ZNF726: variants seen among roughly 807,000 people sequenced by gnomAD.
The protein encoded by ZNF726 is zinc finger protein 92 pseudogene 3.
ZNF726 carries 15 observed loss-of-function variants against 11.6 expected under a neutral mutation model. The observed-to-expected ratio is 1.29, with a 90% CI of 0.86 to 1.99. ZNF726 has a LOEUF of 1.99. Among genes scored for constraint, ZNF726 ranks in the 30% most tolerant of loss-of-function variants. The pLI is 0.00. For missense variants in ZNF726, 890 were observed against 725.6 expected (o/e 1.23, Z -2.60); for synonymous variants, 295 against 243.6 (o/e 1.21, Z -1.96).
chr19:23,935,351 G>T (rs1968211438), downstream of ZNF726: 3 of 528,518 alleles, frequency 5.7e-6, no homozygotes, highest in East Asian at 5.3e-5. Flanking sequence ...CTAGACATAA[G>T]AAAATTCATG....
At position 23,933,298 on chromosome 19, in the gene ZNF726, G is replaced by T; in HGVS notation, c.1182G>T (p.Glu394Asp). The change falls in exon 4 of 4, where the codon GAG (glutamate) becomes GAT (aspartate). Residue 394 changes from glutamate (E) to aspartate (D), a missense_variant. Glu to Asp is a conservative substitution (Grantham distance 45). Transcript: ENST00000594466. ...LTKHKRIHTG[E>D]KPYKCEECGK... ...AACATAAGAGGATTCACACTGGAGA[G>T]AAACCCTACAAATGTGAAGAATGTG... 1 of 1,613,614 alleles carries T rather than the reference G, an allele frequency of 6.2e-7. No individual in the cohort carries two copies. Among genetic ancestry groups the T allele is most frequent in the Non-Finnish European group, 8.5e-7 (1 of 1,180,010 alleles).
downstream of ZNF726, among the ~76,000 whole-genome samples, chr19:23,934,715 GAT>G (rs1968198466): frequency 6.6e-6 from 1 of 152,180 alleles, no homozygotes; most frequent in Non-Finnish European, 1.5e-5. Context: ...TGATCTCAGG[GAT>G]ATTTCTTGAT....
rs1323446899 is a variant in ZNF726, at chr19:23,932,411, A to G, written c.295A>G (p.Ile99Val). The G allele has an allele frequency of 6.5e-7, 1 of 1,548,258 alleles. No individual in the cohort carries two copies. Among genetic ancestry groups the G allele is most frequent in the South Asian group, 1.3e-5 (1 of 76,360 alleles). The part of the protein sequence containing the change: ...QGVEDSFQKV[I>V]LRRFEKCGHE... ...CGTGGAAGATTCTTTTCAAAAAGTAATACTAAGAAGATTTGAAAAATGTGG... is the reference window on the plus strand; with the variant it reads ...CGTGGAAGATTCTTTTCAAAAAGTAGTACTAAGAAGATTTGAAAAATGTGG... The change falls in exon 4 of 4, where the codon ATA (isoleucine) becomes GTA (valine). Residue 99 changes from isoleucine (I) to valine (V), a missense_variant. Physicochemically the swap from Ile to Val is conservative, Grantham distance 29. Transcript: ENST00000594466.
chr19:23,919,951 G>A (rs1254333816), intron 2 of ZNF726, 36 bp from the exon 3 acceptor site: 1 of 1,450,996 alleles, frequency 6.9e-7, no homozygotes. Flanking sequence ...TGGAGAATAT[G>A]AGCAAGATTC....
downstream of ZNF726, among the ~76,000 whole-genome samples, chr19:23,937,224 C>G (rs1047408746): frequency 6.8e-6 from 1 of 147,980 alleles, no homozygotes; most frequent in African/African-American, 2.5e-5. Flanking sequence ...GGGCGGCTGG[C>G]CGGGCAGGGG....
At chr19:23,944,361 G>A (rs1968385108) in intron 4 of ZNF726, 1 of 152,114 alleles carries the variant, frequency 6.6e-6, no homozygotes, top group Non-Finnish European at 1.5e-5. Context: ...TTTTCTTTGA[G>A]TAGATACCCA....
intron 3 of ZNF726, among the ~76,000 whole-genome samples, chr19:23,939,944 A>T (rs62114235): frequency 7.1e-6 from 1 of 140,770 alleles, no homozygotes; most frequent in African/African-American, 2.7e-5. Flanking sequence ...AGATGTATAG[A>T]TTGTGAAGAT....
At chr19:23,934,795 C>T (rs988522115), downstream of ZNF726, among the ~76,000 whole-genome samples, 3 of 152,206 alleles carry the variant, frequency 2.0e-5, no homozygotes, top group Non-Finnish European at 2.9e-5. Context: ...GAGTTACTAC[C>T]AGAATTCAAT....
chr19:23,917,149 C>G (rs1349297590), intron 1 of ZNF726, among the ~76,000 whole-genome samples: 1 of 152,150 alleles, frequency 6.6e-6, no homozygotes, highest in South Asian at 2.1e-4. Flanking sequence ...TGGAGTTTCA[C>G]CATGCTAGCC....
chr19:23,918,506 G>A (rs1967760369), intron 1 of ZNF726, among the ~76,000 whole-genome samples: 1 of 152,142 alleles, frequency 6.6e-6, no homozygotes, highest in South Asian at 2.1e-4. Flanking sequence ...TTTTCTTAGG[G>A]CTAAATTCAG....
downstream of ZNF726, among the ~76,000 whole-genome samples, chr19:23,936,952 C>T (rs1407870114): frequency 3.9e-5 from 6 of 151,932 alleles, no homozygotes; most frequent in East Asian, 3.9e-4. Context: ...CATCATGGCC[C>T]GTTCTCAATG....
chr19:23,919,630 G>GA (rs1967793096), intron 2 of ZNF726, 131 bp downstream of exon 2: 1 of 1,234,958 alleles, frequency 8.1e-7, no homozygotes, highest in Non-Finnish European at 1.1e-6. Context: ...TGTCTGTTTA[G>GA]AAAAAATTTC....
At chr19:23,942,822 C>A (rs985644900) in intron 3 of ZNF726, among the ~76,000 whole-genome samples, 5 of 152,168 alleles carry the variant, frequency 3.3e-5, no homozygotes, top group Non-Finnish European at 7.4e-5. Context: ...ATGCCTTTTT[C>A]CATCTCTCCA....
downstream of ZNF726, chr19:23,935,988 T>C (rs952944453): frequency 3.3e-5 from 5 of 152,372 alleles, 1 homozygote; most frequent in Admixed American, 3.3e-4. Flanking sequence ...GTCTCACAGA[T>C]CTTATTGTAC....
At position 23,914,955 on chromosome 19, in the gene ZNF726, GC is replaced by G. The variant is rs747042379; in HGVS notation, c.-38del. ...TGTGTCTTCTGCTTTTAGGGGCGCA[GC>G]CTCTGTGGCCCTGTGACCTGCCCCC... On this transcript the variant is annotated 5_prime_UTR_variant, in exon 1 of 4. Transcript: ENST00000594466. The G allele has an allele frequency of 1.9e-6, 3 of 1,613,320 alleles. No individual in the cohort carries two copies. The highest frequency in any genetic ancestry group is 2.5e-6 in the Non-Finnish European group (3 of 1,179,970).
At chr19:23,922,215 C>CCT (rs1215896634) in intron 3 of ZNF726, among the ~76,000 whole-genome samples, 1 of 152,156 alleles carries the variant, frequency 6.6e-6, no homozygotes, top group African/African-American at 2.4e-5. Flanking sequence ...AAGGGCAGAC[C>CCT]CAAGGGCAGG....
chr19:23,929,327 A>T (rs1406579344), intron 3 of ZNF726: 1 of 152,390 alleles, frequency 6.6e-6, no homozygotes, highest in South Asian at 2.1e-4. Context: ...TAATGAAGAC[A>T]TACCTGAGAC....
chr19:23,938,413 A>G (rs932266273), downstream of ZNF726, among the ~76,000 whole-genome samples: 1 of 152,114 alleles, frequency 6.6e-6, no homozygotes, highest in Non-Finnish European at 1.5e-5. Context: ...CTAATTTACT[A>G]GAAAAAAACC....
downstream of ZNF726, among the ~76,000 whole-genome samples, chr19:23,939,321 T>G (rs1437888739): frequency 6.6e-6 from 1 of 152,202 alleles, no homozygotes; most frequent in Non-Finnish European, 1.5e-5. Flanking sequence ...GTGAGTAGTA[T>G]TCCAACATAT....
Sources: gnomAD v4.1 joint callset for allele counts (sites outside exome capture counted in the v4.1 genomes callset) on GRCh38, gnomAD v4.1.1 for gene constraint, MANE v1.5 for transcripts, NCBI Gene and HGNC (gene_info 2026-07-23, HGNC 2026-07-21) for gene names.